ZNF37A: variants seen among roughly 807,000 people sequenced by gnomAD.
ZNF37A encodes zinc finger protein 37A, also known as zinc finger protein 37a (KOX 21).
Under a neutral mutation model 12.3 loss-of-function variants are expected in ZNF37A, and 10 were observed. The observed-to-expected ratio is 0.82, with a 90% CI of 0.50 to 1.38. ZNF37A has a LOEUF of 1.38. Ranked by LOEUF, ZNF37A falls within the 40% of genes most tolerant of loss-of-function variation. The pLI is 0.00. For missense variants in ZNF37A, 580 were observed against 651.2 expected, an observed-to-expected ratio of 0.89 and a Z score of 1.19; for synonymous variants, 207 against 223.0, an observed-to-expected ratio of 0.93 and a Z score of 0.64.
rs534038271 is a variant in ZNF37A, at chr10:38,146,779, G to A, written c.286G>A (p.Glu96Lys). Residue 96 changes from glutamate to lysine, a missense_variant, in exon 8 of 8, where the codon GAG (glutamate) becomes AAG (lysine). By Grantham distance (56) the Glu-to-Lys change is moderately conservative. Transcript: ENST00000638053. ...ACCTGGGCCTGCATGGATTTGTGCC[G>A]AGACCAGCTCGGTCGTGGAGACTCC... 14 of 398,498 alleles carry A rather than the reference G, an allele frequency of 3.5e-5. No individual in the cohort carries two copies. The South Asian group carries it at 1.7e-3, about 47-fold the overall frequency. The allele number at this position is 398,498 out of a possible 1,614,324, so 24.7% of individuals were successfully genotyped here. A position where few individuals can be genotyped will look rare whatever the true frequency, so the allele number is the denominator to read the frequency against.
At position 38,119,278 on chromosome 10, in the gene ZNF37A, C is replaced by T. The variant is rs1467185386; in HGVS notation, c.*441C>T. 3 of 1,048,084 alleles carry T rather than the reference C, an allele frequency of 2.9e-6. No individual in the cohort carries two copies. Among genetic ancestry groups the T allele is most frequent in the East Asian group, 9.1e-5 (1 of 11,034 alleles). 64.9% of individuals were successfully genotyped at this position (1,048,084 alleles called of 1,614,324 possible). On this transcript the variant is annotated 3_prime_UTR_variant, in exon 8 of 8. Coordinates refer to ENST00000685332, the MANE Select transcript of ZNF37A (RefSeq NM_001324250.3). ...TCAGAAGTCAGCTCTAATTGTTCACCACAGAACTCATATAAGACAGAAACC... is the reference window on the plus strand; with the variant it reads ...TCAGAAGTCAGCTCTAATTGTTCACTACAGAACTCATATAAGACAGAAACC...
intron 5 of ZNF37A, 104 bp downstream of exon 5, chr10:38,096,736 A>G: frequency 8.6e-7 from 1 of 1,157,456 alleles, no homozygotes; most frequent in Non-Finnish European, 1.3e-6. Flanking sequence ...GGGAAAATAT[A>G]GAGGAGAGGT....
At chr10:38,136,879 G>T (rs2070114768) in intron 7 of ZNF37A, among the ~76,000 whole-genome samples, 1 of 151,876 alleles carries the variant, frequency 6.6e-6, no homozygotes, top group Admixed American at 6.6e-5. Flanking sequence ...AATTTCAATG[G>T]TTCTTTCTTC....
chr10:38,117,023 C>T, intron 7 of ZNF37A: 1 of 231,880 alleles, frequency 4.3e-6, no homozygotes, highest in Non-Finnish European at 7.1e-6. Context: ...GCATGGGAAT[C>T]ACTTGAACCC....
chr10:38,132,113 CCTAT>C (rs1449025346), intron 7 of ZNF37A, among the ~76,000 whole-genome samples: 1 of 151,932 alleles, frequency 6.6e-6, no homozygotes, highest in Non-Finnish European at 1.5e-5. Context: ...TTTTATTTTT[CCTAT>C]CTAATAGCTC....
chr10:38,129,901 A>G (rs1279910011), downstream of ZNF37A, among the ~76,000 whole-genome samples: 1 of 152,220 alleles, frequency 6.6e-6, no homozygotes, highest in Non-Finnish European at 1.5e-5. Context: ...AAACAATATC[A>G]TTTAATTTAT....
downstream of ZNF37A, among the ~76,000 whole-genome samples, chr10:38,129,564 C>G (rs2069989206): frequency 6.6e-6 from 1 of 152,070 alleles, no homozygotes; most frequent in Non-Finnish European, 1.5e-5. Flanking sequence ...TATAACTTGG[C>G]TACTCTGCCT....
Position 38,119,069 on chromosome 10 carries a change from A to G in ZNF37A, c.*232A>G, listed in dbSNP as rs977578943. ...AAACTTATTGGTGAATGAATATAGG[A>G]AACATTTTGCCCAATGCCACTCTTC... On this transcript the variant is annotated 3_prime_UTR_variant, in exon 8 of 8. Coordinates refer to ENST00000685332, the MANE Select transcript of ZNF37A (RefSeq NM_001324250.3). The G allele has an allele frequency of 8.3e-7, 1 of 1,211,106 alleles. No individual in the cohort carries two copies. The highest frequency in any genetic ancestry group is 1.6e-5 in the African/African-American group (1 of 63,798). 75.0% of individuals were successfully genotyped at this position (1,211,106 alleles called of 1,614,324 possible). A position where few individuals can be genotyped will look rare whatever the true frequency, so the allele number is the denominator to read the frequency against.
intron 7 of ZNF37A, 119 bp downstream of exon 7, chr10:38,115,409 G>A: frequency 7.1e-7 from 1 of 1,415,818 alleles, no homozygotes; most frequent in Non-Finnish European, 9.3e-7. Flanking sequence ...CAGACCTTTG[G>A]AAGTAACATG....
intron 7 of ZNF37A, among the ~76,000 whole-genome samples, chr10:38,130,569 T>A (rs1444224279): frequency 6.6e-6 from 1 of 152,138 alleles, no homozygotes; most frequent in African/African-American, 2.4e-5. Context: ...TAAGTGATTC[T>A]CCTGCCTCAG....
chr10:38,118,525 G>A lies in ZNF37A; in HGVS notation c.1374G>A (p.Leu458=), dbSNP rs1282941999. The change falls in exon 8 of 8, where the codon CTG becomes CTA. Residue 458 remains leucine (L), a synonymous_variant. Coordinates refer to ENST00000685332, the MANE Select transcript of ZNF37A (RefSeq NM_001324250.3). ...FCYYSGFTEH[L]RRHTGEKPFG... ...ACTACTCCGGTTTCACAGAACATCTGAGAAGACACACAGGGGAGAAACCTT... is the reference window on the plus strand; with the variant it reads ...ACTACTCCGGTTTCACAGAACATCTAAGAAGACACACAGGGGAGAAACCTT... 6.2e-7 allele frequency: 1 copy of A among 1,613,268 alleles called. No individual in the cohort carries two copies. Among genetic ancestry groups the A allele is most frequent in the East Asian group, 2.2e-5 (1 of 44,744 alleles).
rs2069667593 is a variant in ZNF37A, at chr10:38,121,114, A to G, written c.*2277A>G. 1 of 152,190 alleles carries G rather than the reference A, an allele frequency of 6.6e-6. No homozygotes were observed. 9.4% of individuals were successfully genotyped at this position (152,190 alleles called of 1,614,324 possible). ...AGTTATTCCAAATATTTAAGAAATA[A>G]TACCAGGCTTTTATAAACTTTTCTA... On this transcript the variant is annotated 3_prime_UTR_variant, in exon 8 of 8. Coordinates refer to ENST00000685332, the MANE Select transcript of ZNF37A (RefSeq NM_001324250.3).
intron 5 of ZNF37A, among the ~76,000 whole-genome samples, chr10:38,097,167 A>T (rs1053070536): frequency 1.3e-5 from 2 of 152,266 alleles, no homozygotes; most frequent in African/African-American, 4.8e-5. Flanking sequence ...ATTAGGTGAC[A>T]CTGTGAAACT....
rs1474633815 is a variant in ZNF37A at position 38,118,731 on chromosome 10, T to C, written c.1580T>C (p.Val527Ala). The change falls in exon 8 of 8, where the codon GTT becomes GCT. Residue 527 changes from valine (V) to alanine (A), a missense_variant. Transcript: ENST00000685332. ...GGGGAGAAACCCTATGAATGTAATGTTTGTGGAAAATCATTCTATGTTAAG... is the reference window on the plus strand; with the variant it reads ...GGGGAGAAACCCTATGAATGTAATGCTTGTGGAAAATCATTCTATGTTAAG... The part of the protein sequence containing the change: ...HTGEKPYECN[V>A]CGKSFYVKSK... The C allele has an allele frequency of 1.2e-6, 2 of 1,613,732 alleles. No individual in the cohort carries two copies. Among genetic ancestry groups the C allele is most frequent in the Non-Finnish European group, 1.7e-6 (2 of 1,179,900 alleles).
At chr10:38,112,753 T>C (rs534413821) in intron 5 of ZNF37A, among the ~76,000 whole-genome samples, 2,375 of 63,760 alleles carry the variant, frequency 0.037, 259 homozygotes, top group African/African-American at 0.044. Flanking sequence ...TTCTTTTCTT[T>C]TCTTTTCTTT....
chr10:38,097,583 CAA>C (rs71007695), intron 5 of ZNF37A, among the ~76,000 whole-genome samples: 2,508 of 61,686 alleles, frequency 0.041, 55 homozygotes, highest in Non-Finnish European at 0.069. Flanking sequence ...GACTCTGTCT[CAA>C]AAAAAAAAAA....
chr10:38,128,645 A>G (rs1344453103), downstream of ZNF37A, among the ~76,000 whole-genome samples: 3 of 152,218 alleles, frequency 2.0e-5, no homozygotes, highest in East Asian at 5.8e-4. Flanking sequence ...TTTACATTAC[A>G]TGATGTACAC....
rs1263606238 is a variant in ZNF37A, at chr10:38,118,833, G to A, written c.1682G>A (p.Gly561Glu). ...GTAGTAAACGAGGGAAATTACTCTG[G>A]GTGAAGTCAGAACTTTGTAGAACAC... is the stretch of plus-strand genomic sequence containing the variant. The part of the protein sequence containing the change: ...INVVNEGNYS[G>E] The change falls in exon 8 of 8, where the codon GGG (glycine) becomes GAG (glutamate). Residue 561 changes from glycine (G) to glutamate (E), a missense_variant. Coordinates refer to ENST00000685332, the MANE Select transcript of ZNF37A (RefSeq NM_001324250.3). The A allele has an allele frequency of 7.7e-6, 12 of 1,562,146 alleles. No individual in the cohort carries two copies. In the Admixed American group the frequency reaches 2.3e-4, roughly 30 times the overall value.
chr10:38,117,095 C>T (rs147044223), intron 7 of ZNF37A: 45,021 of 807,376 alleles, frequency 0.056, 1,331 homozygotes, highest in Non-Finnish European at 0.061. Context: ...GATGACAGAG[C>T]AAGACTCTGT....
Sources: allele counts gnomAD v4.1 joint callset (sites outside exome capture counted in the v4.1 genomes callset), GRCh38; gene constraint gnomAD v4.1.1; transcripts MANE v1.5; gene names NCBI Gene and HGNC (gene_info 2026-07-23, HGNC 2026-07-21).